The following LCE1D variants were observed in gnomAD, a reference collection of about 807,000 sequenced individuals.
LCE1D encodes late cornified envelope protein 1D.
For synonymous variants in LCE1D, 44 were observed against 65.0 expected (o/e 0.68, Z 1.55); for missense variants, 86 against 164.4 (o/e 0.52, Z 2.61).
At position 152,797,886 on chromosome 1, in the gene LCE1D, CT is replaced by C. The variant is rs1457324663; in HGVS notation, c.93del (p.Lys32SerfsTer42). ...AAGTGCCCCGCCCCTAAATGTCCCC[CT>C]AAGTGCCCTCCAGTCTCTTCCTGCT... ...TPKCPAPKCP[P>X]KCPPVSSCCS... On this transcript the variant is annotated frameshift_variant, in exon 2 of 2. Transcript: ENST00000326233. LOFTEE classifies it low-confidence loss of function (END_TRUNC). 6.9e-7 allele frequency: 1 copy of C among 1,440,886 alleles called. No homozygotes were observed. The highest frequency in any genetic ancestry group is 9.7e-7 in the Non-Finnish European group (1 of 1,034,644). The allele number at this position is 1,440,886 out of a possible 1,614,324, so 89.3% of individuals were successfully genotyped here.
At position 152,797,957 on chromosome 1, in the gene LCE1D, G is replaced by A. The variant is rs776581978; in HGVS notation, c.163G>A (p.Gly55Ser). The stretch of plus-strand genomic sequence containing the variant: ...CTGCTGTGGCTCCAGCTCTGGGGGC[G>A]GCTGTGGCTCCAACTCTGGGGGCTG... ...GGCCGSSSGG[G>S]CGSNSGGCCS... Residue 55 changes from glycine (G) to serine (S), a missense_variant, in exon 2 of 2, where the codon GGC becomes AGC. Coordinates refer to ENST00000326233, the MANE Select transcript of LCE1D (RefSeq NM_178352.3). The A allele has an allele frequency of 5.3e-5, 78 of 1,483,228 alleles. 10 individuals carry two copies. The highest frequency in any genetic ancestry group is 2.0e-4 in the Middle Eastern group (1 of 5,052). 91.9% of individuals were successfully genotyped at this position (1,483,228 alleles called of 1,614,324 possible).
chr1:152,796,952 G>A (rs1652084231), intron 1 of LCE1D, among the ~76,000 whole-genome samples, 181 bp downstream of exon 1: 2 of 135,972 alleles, frequency 1.5e-5, no homozygotes, highest in East Asian at 1.9e-4. Flanking sequence ...GGCGGGCTGT[G>A]CCATGTGCCT....
intron 1 of LCE1D, 29 bp from the exon 2 acceptor site, chr1:152,797,744 G>A (rs752725911): frequency 1.4e-6 from 2 of 1,387,744 alleles, no homozygotes; most frequent in African/African-American, 2.9e-5. Context: ...CTCTGCCTGG[G>A]TCTGACTTGT....
chr1:152,797,221 A>C (rs1164906881), intron 1 of LCE1D, among the ~76,000 whole-genome samples: 3 of 135,392 alleles, frequency 2.2e-5, no homozygotes, highest in Non-Finnish European at 5.1e-5. Flanking sequence ...GGACACACCA[A>C]GCCTGAGACC....
chr1:152,797,270 A>T (rs2101582793), intron 1 of LCE1D, among the ~76,000 whole-genome samples: 1 of 135,232 alleles, frequency 7.4e-6, no homozygotes, highest in African/African-American at 2.6e-5. Flanking sequence ...GTGGTGAGTG[A>T]GGAAGTCTGA....
intron 1 of LCE1D, 40 bp downstream of exon 1, chr1:152,796,811 G>C (rs1557836766): frequency 7.3e-6 from 1 of 137,168 alleles, no homozygotes; most frequent in Non-Finnish European, 1.7e-5. Flanking sequence ...GAGCAGGAGG[G>C]AAGGAGGGGC....
At position 152,797,982 on chromosome 1, in the gene LCE1D, G is replaced by A; in HGVS notation, c.188G>A (p.Cys63Tyr). Residue 63 changes from cysteine to tyrosine, a missense_variant, in exon 2 of 2, where the codon TGC (cysteine) becomes TAC (tyrosine). Coordinates refer to ENST00000326233, the MANE Select transcript of LCE1D (RefSeq NM_178352.3). ...GGGCGSNSGG[C>Y]CSSGGGGCCL... The stretch of plus-strand genomic sequence containing the variant: ...GGCTGTGGCTCCAACTCTGGGGGCT[G>A]CTGCAGCTCTGGGGGTGGTGGCTGC... 3 of 1,440,842 alleles carry A rather than the reference G, an allele frequency of 2.1e-6. 1 individual carries two copies. Among genetic ancestry groups the A allele is most frequent in the Non-Finnish European group, 2.9e-6 (3 of 1,034,714 alleles). 89.3% of individuals were successfully genotyped at this position (1,440,842 alleles called of 1,614,324 possible).
Position 152,797,902 on chromosome 1 carries a change from C to T in LCE1D, c.108C>T (p.Val36=). Residue 36 remains valine (V), a synonymous_variant, in exon 2 of 2, where the codon GTC becomes GTT. Coordinates refer to ENST00000326233, the MANE Select transcript of LCE1D (RefSeq NM_178352.3). ...APKCPPKCPP[V]SSCCSVSSGG... is the part of the protein sequence containing the mutation. ...AATGTCCCCCTAAGTGCCCTCCAGT[C>T]TCTTCCTGCTGCAGTGTCAGCTCCG... 6.8e-7 allele frequency: 1 copy of T among 1,464,358 alleles called. No individual in the cohort carries two copies. Among genetic ancestry groups the T allele is most frequent in the Non-Finnish European group, 9.5e-7 (1 of 1,056,506 alleles). The allele number at this position is 1,464,358 out of a possible 1,614,324, so 90.7% of individuals were successfully genotyped here.
At chr1:152,797,687 C>T in intron 1 of LCE1D, 86 bp from the exon 2 acceptor site, 1 of 875,728 alleles carries the variant, frequency 1.1e-6, no homozygotes, top group Non-Finnish European at 1.8e-6. Context: ...GAAGATGATG[C>T]TTTTAAACTT....
In LCE1D at chr1:152,797,874, C is replaced by G. The variant is rs1336463548; in HGVS notation, c.80C>G (p.Pro27Arg). 6.9e-7 allele frequency: 1 copy of G among 1,440,024 alleles called. No individual in the cohort carries two copies. The highest frequency in any genetic ancestry group is 2.2e-5 in the East Asian group (1 of 44,752). 89.2% of individuals were successfully genotyped at this position (1,440,024 alleles called of 1,614,324 possible). ...TPKCTPKCPAPKCPPKCPPVS... is the reference protein window; with the variant it reads ...TPKCTPKCPARKCPPKCPPVS... ...AAGTGCACTCCCAAGTGCCCCGCCCCTAAATGTCCCCCTAAGTGCCCTCCA... is the reference window on the plus strand; with the variant it reads ...AAGTGCACTCCCAAGTGCCCCGCCCGTAAATGTCCCCCTAAGTGCCCTCCA... Residue 27 changes from proline (P) to arginine (R), a missense_variant, in exon 2 of 2, where the codon CCT becomes CGT. By Grantham distance (103) the Pro-to-Arg change is moderately radical. Coordinates refer to ENST00000326233, the MANE Select transcript of LCE1D (RefSeq NM_178352.3).
In LCE1D at chr1:152,798,042, G is replaced by A. The variant is rs749053712; in HGVS notation, c.248G>A (p.Arg83His). 2.4e-5 allele frequency: 34 copies of A among 1,439,014 alleles called. 6 individuals carry two copies. The highest frequency in any genetic ancestry group is 1.7e-4 in the South Asian group (15 of 87,250). 89.1% of individuals were successfully genotyped at this position (1,439,014 alleles called of 1,614,324 possible). Residue 83 changes from arginine (R) to histidine (H), a missense_variant, in exon 2 of 2, where the codon CGT becomes CAT. Transcript: ENST00000326233. The stretch of plus-strand genomic sequence containing the variant: ...CACCACAGGCGCCACAGGTCCCACC[G>A]TCGCAGACCCCAGAGCTCTGACTGC... ...LSHHRRHRSHRRRPQSSDCCS... is the reference protein window; with the variant it reads ...LSHHRRHRSHHRRPQSSDCCS...
chr1:152,797,425 T>C (rs1652091441), intron 1 of LCE1D, among the ~76,000 whole-genome samples: 1 of 135,892 alleles, frequency 7.4e-6, no homozygotes, highest in African/African-American at 2.6e-5. Context: ...AAAATCGTCT[T>C]GCAAATTATG....
In LCE1D at chr1:152,798,052, C is replaced by G; in HGVS notation, c.258C>G (p.Pro86=). The change falls in exon 2 of 2, where the codon CCC becomes CCG. Residue 86 remains proline, a synonymous_variant. Transcript: ENST00000326233. The part of the protein sequence containing the change: ...HRRHRSHRRR[P]QSSDCCSQPS... ...GCCACAGGTCCCACCGTCGCAGACC[C>G]CAGAGCTCTGACTGCTGCAGCCAGC... 1 of 1,438,124 alleles carries G rather than the reference C, an allele frequency of 7.0e-7. No homozygotes were observed. The highest frequency in any genetic ancestry group is 9.7e-7 in the Non-Finnish European group (1 of 1,033,380). The allele number at this position is 1,438,124 out of a possible 1,614,324, so 89.1% of individuals were successfully genotyped here. A position where few individuals can be genotyped will look rare whatever the true frequency, so the allele number is the denominator to read the frequency against.
chr1:152,798,168 A>T lies in LCE1D; in HGVS notation c.*29A>T. The T allele has an allele frequency of 7.5e-7, 1 of 1,326,274 alleles. No homozygotes were observed. The highest frequency in any genetic ancestry group is 1.0e-6 in the Non-Finnish European group (1 of 964,778). The allele number at this position is 1,326,274 out of a possible 1,614,324, so 82.2% of individuals were successfully genotyped here. A position where few individuals can be genotyped will look rare whatever the true frequency, so the allele number is the denominator to read the frequency against. ...GGACCTTGACTTCCTCTTCCTTCTG[A>T]TTCTGCCTGAATAGCTGAGAGGTTC... On this transcript the variant is annotated 3_prime_UTR_variant, in exon 2 of 2. Coordinates refer to ENST00000326233, the MANE Select transcript of LCE1D (RefSeq NM_178352.3).
chr1:152,797,674 A>G lies in LCE1D; in HGVS notation c.-22-99A>G, dbSNP rs1475034670. ...TGAGGAAATTATTGGAAATAAAACT[A>G]CTGAAGATGATGCTTTTAAACTTGA... On this transcript the variant is annotated intron_variant, in intron 1 of 1. Transcript: ENST00000326233. 7 of 792,784 alleles carry G rather than the reference A, an allele frequency of 8.8e-6. 1 individual carries two copies. The highest frequency in any genetic ancestry group is 5.1e-5 in the South Asian group (3 of 59,374). The allele number at this position is 792,784 out of a possible 1,614,324, so 49.1% of individuals were successfully genotyped here.
chr1:152,796,937 G>T (rs1652083751), intron 1 of LCE1D, among the ~76,000 whole-genome samples, 166 bp downstream of exon 1: 1 of 135,930 alleles, frequency 7.4e-6, no homozygotes, highest in Admixed American at 7.2e-5. Flanking sequence ...AAGAGGAAAA[G>T]AGCTGGCGGG....
At chr1:152,797,246 A>G (rs1343033132) in intron 1 of LCE1D, among the ~76,000 whole-genome samples, 2 of 135,242 alleles carry the variant, frequency 1.5e-5, no homozygotes, top group African/African-American at 2.6e-5. Flanking sequence ...GTGTCATCCC[A>G]TCAGCCTGAG....
In LCE1D at chr1:152,798,045, G is replaced by A. The variant is rs41268492; in HGVS notation, c.251G>A (p.Arg84His). The change falls in exon 2 of 2, where the codon CGC (arginine) becomes CAC (histidine). Residue 84 changes from arginine (R) to histidine (H), a missense_variant. Coordinates refer to ENST00000326233, the MANE Select transcript of LCE1D (RefSeq NM_178352.3). ...SHHRRHRSHR[R>H]RPQSSDCCSQ... ...CACAGGCGCCACAGGTCCCACCGTC[G>A]CAGACCCCAGAGCTCTGACTGCTGC... The A allele has an allele frequency of 0.21, 290,773 of 1,386,228 alleles. 79,693 individuals are homozygous for A. Among genetic ancestry groups the A allele is most frequent in the African/African-American group, 0.33 (21,109 of 64,320 alleles). The allele number at this position is 1,386,228 out of a possible 1,614,324, so 85.9% of individuals were successfully genotyped here.
intron 1 of LCE1D, 84 bp from the exon 2 acceptor site, chr1:152,797,689 T>C: frequency 1.1e-6 from 1 of 902,118 alleles, no homozygotes; most frequent in Non-Finnish European, 1.7e-6. Context: ...AGATGATGCT[T>C]TTAAACTTGA....
Sources: gnomAD v4.1 joint callset for allele counts (sites outside exome capture counted in the v4.1 genomes callset) on GRCh38, gnomAD v4.1.1 for gene constraint, MANE v1.5 for transcripts, NCBI Gene and HGNC (gene_info 2026-07-23, HGNC 2026-07-21) for gene names.